SYCP1: variants seen among roughly 807,000 people sequenced by gnomAD.
SYCP1 encodes synaptonemal complex protein 1.
In SYCP1, 64 loss-of-function variants were observed where a neutral mutation model predicts 153.1. The ratio of observed to expected loss-of-function variants is 0.42; its 90% CI spans 0.34 to 0.51. The LOEUF (loss-of-function observed/expected upper bound fraction) is 0.51. Ranked by LOEUF, SYCP1 falls within the 20% of genes least tolerant of loss-of-function variation. SYCP1 has a pLI of 0.06. For synonymous variants in SYCP1, 384 were observed against 341.8 expected (o/e 1.12, Z -1.36); for missense variants, 997 against 1,049.0 (o/e 0.95, Z 0.68).
At chr1:114,985,706 C>T (rs1340283103) in intron 30 of SYCP1, among the ~76,000 whole-genome samples, 1 of 151,684 alleles carries the variant, frequency 6.6e-6, no homozygotes, top group Non-Finnish European at 1.5e-5. Context: ...TATAGAGTCC[C>T]TACTTCAGAA....
intron 14 of SYCP1, among the ~76,000 whole-genome samples, chr1:114,886,904 T>A (rs1666348325): frequency 6.6e-6 from 1 of 152,016 alleles, no homozygotes; most frequent in Non-Finnish European, 1.5e-5. Context: ...AAAGACTCTA[T>A]TTTTTACTAC....
chr1:114,855,741 G>A (rs936729307), intron 2 of SYCP1, among the ~76,000 whole-genome samples, 169 bp downstream of exon 2: 3 of 152,158 alleles, frequency 2.0e-5, no homozygotes, highest in Non-Finnish European at 4.4e-5. Context: ...GCATTATTGT[G>A]TAGGCATCAT....
intron 9 of SYCP1, among the ~76,000 whole-genome samples, chr1:114,875,329 C>G (rs1665442476): frequency 1.3e-5 from 2 of 148,360 alleles, no homozygotes. Flanking sequence ...GGCGCAACCT[C>G]GGCTCACTGC....
chr1:114,882,014 C>T (rs1665981943), intron 12 of SYCP1, among the ~76,000 whole-genome samples: 1 of 152,032 alleles, frequency 6.6e-6, no homozygotes, highest in South Asian at 2.1e-4. Flanking sequence ...TGTATTTGCT[C>T]TACTTTCTGT....
intron 27 of SYCP1, among the ~76,000 whole-genome samples, chr1:114,965,920 A>T (rs984365749): frequency 1.3e-5 from 2 of 152,264 alleles, no homozygotes; most frequent in East Asian, 3.9e-4. Context: ...AAGGAATGGT[A>T]CCGGCTCCTC....
intron 27 of SYCP1, among the ~76,000 whole-genome samples, chr1:114,973,744 G>T (rs530890427): frequency 6.6e-6 from 1 of 152,018 alleles, no homozygotes; most frequent in South Asian, 2.1e-4. Flanking sequence ...TTAGGAGAAG[G>T]AAGATTTTGT....
intron 8 of SYCP1, among the ~76,000 whole-genome samples, chr1:114,864,311 A>G (rs1481690629): frequency 6.6e-6 from 1 of 152,062 alleles, no homozygotes; most frequent in Non-Finnish European, 1.5e-5. Context: ...TGGGCCATCT[A>G]TTTTAGGAAA....
intron 23 of SYCP1, among the ~76,000 whole-genome samples, chr1:114,928,818 C>A (rs929346321): frequency 6.6e-5 from 10 of 152,226 alleles, no homozygotes; most frequent in African/African-American, 2.4e-4. Flanking sequence ...CTTAGAGCAA[C>A]CCCTACAAAA....
chr1:114,881,056 T>TATATATACACACACACACAC (rs375436670), intron 12 of SYCP1, among the ~76,000 whole-genome samples: 6 of 144,940 alleles, frequency 4.1e-5, no homozygotes, highest in African/African-American at 1.3e-4. Context: ...TTTGTGTATA[T>TATATATACACACACACACAC]ACACACACAC....
At chr1:114,924,004 A>G (rs1557804030) in intron 21 of SYCP1, among the ~76,000 whole-genome samples, 1 of 152,196 alleles carries the variant, frequency 6.6e-6, no homozygotes, top group Non-Finnish European at 1.5e-5. Flanking sequence ...TGGAAAATTG[A>G]TCTAGATTTT....
intron 20 of SYCP1, among the ~76,000 whole-genome samples, chr1:114,920,131 C>T (rs1156484318): frequency 1.3e-5 from 2 of 151,788 alleles, no homozygotes; most frequent in East Asian, 3.9e-4. Flanking sequence ...ACAAACACAC[C>T]TCTTAATACT....
At chr1:114,886,362 C>T in intron 14 of SYCP1, 53 bp downstream of exon 14, 6 of 1,389,344 alleles carry the variant, frequency 4.3e-6, no homozygotes, top group Non-Finnish European at 5.7e-6. Flanking sequence ...AAACAATTTA[C>T]TTTTAATATT....
chr1:114,901,258 GAAAAA>G (rs148339817), intron 16 of SYCP1, among the ~76,000 whole-genome samples: 2,537 of 152,020 alleles, frequency 0.017, 72 homozygotes, highest in African/African-American at 0.057. Context: ...TTAGTCAACT[GAAAAA>G]AACCTTTTCC....
intron 28 of SYCP1, among the ~76,000 whole-genome samples, chr1:114,979,228 A>T (rs1427279644): frequency 6.9e-6 from 1 of 144,124 alleles, no homozygotes; most frequent in African/African-American, 2.9e-5. Context: ...CAAGTTACTT[A>T]ACTTCTTCGT....
chr1:114,945,029 A>G (rs189667751), intron 25 of SYCP1, 47 bp downstream of exon 25: 1 of 1,308,298 alleles, frequency 7.6e-7, no homozygotes, highest in East Asian at 2.5e-5. Context: ...TTGGAGCCAT[A>G]TTTCTGTTAA....
intron 15 of SYCP1, among the ~76,000 whole-genome samples, chr1:114,889,978 T>A (rs1488858841): frequency 6.6e-6 from 1 of 152,196 alleles, no homozygotes; most frequent in Non-Finnish European, 1.5e-5. Flanking sequence ...TTATTTGTAA[T>A]AATTCAGTCT....
At position 114,984,714 on chromosome 1, in the gene SYCP1, T is replaced by A; in HGVS notation, c.2560-11T>A. The stretch of plus-strand genomic sequence containing the variant: ...TGATATGATAATGTATGGTTTTTTA[T>A]TTTTGGATAGGCATATACAGTGAAG... On this transcript the variant is annotated splice_polypyrimidine_tract_variant and intron_variant, in intron 29 of 31. Transcript: ENST00000369522. 7.4e-7 allele frequency: 1 copy of A among 1,360,442 alleles called. No homozygotes were observed. The allele number at this position is 1,360,442 out of a possible 1,614,324, so 84.3% of individuals were successfully genotyped here.
intron 20 of SYCP1, among the ~76,000 whole-genome samples, chr1:114,918,607 T>C (rs1487063853): frequency 2.6e-5 from 4 of 152,126 alleles, no homozygotes; most frequent in Non-Finnish European, 5.9e-5. Context: ...CAGTATTGAT[T>C]GTTCCAGTCC....
chr1:114,924,585 A>T (rs1669132392), intron 21 of SYCP1, among the ~76,000 whole-genome samples: 1 of 152,198 alleles, frequency 6.6e-6, no homozygotes, highest in South Asian at 2.1e-4. Flanking sequence ...GGTGGTGGAT[A>T]CAAGTATAGC....
Sources: gnomAD v4.1 joint callset for allele counts (sites outside exome capture counted in the v4.1 genomes callset) on GRCh38, gnomAD v4.1.1 for gene constraint, MANE v1.5 for transcripts, NCBI Gene and HGNC (gene_info 2026-07-23, HGNC 2026-07-21) for gene names.